The following LRR1 variants were observed in gnomAD, a reference collection of about 807,000 sequenced individuals.
LRR1 encodes the protein leucine rich repeat protein 1.
A neutral mutation model predicts 31.6 loss-of-function variants in LRR1; 29 were observed. The ratio of observed to expected loss-of-function variants is 0.92; its 90% CI spans 0.68 to 1.25. The LOEUF is 1.25. LRR1 is among the 50% of genes most tolerant of loss of function. The probability of loss-of-function intolerance (pLI) is 0.00; values close to 1 mark genes in which losing one functional copy is unlikely to be tolerated. For missense variants in LRR1, 485 were observed against 487.2 expected, an observed-to-expected ratio of 1.00 and a Z score of 0.04; for synonymous variants, 179 against 181.4, an observed-to-expected ratio of 0.99 and a Z score of 0.10.
chr14:49,608,382 T>C (rs1479823749), intron 3 of LRR1, among the ~76,000 whole-genome samples: 1 of 147,010 alleles, frequency 6.8e-6, no homozygotes, highest in African/African-American at 2.5e-5. Flanking sequence ...CTAAATTTTA[T>C]TCCTTCCCTC....
In LRR1 at chr14:49,607,476, T is replaced by C; in HGVS notation, c.359T>C (p.Val120Ala). ...AHRGCNVDTP[V>A]STLTPVKTSE... Reference sequence around the variant, plus strand: ...AGAGGCTGTAATGTTGATACACCAGTTTCAACGCTCACACCAGTGAAGACT... The same window carrying C: ...AGAGGCTGTAATGTTGATACACCAGCTTCAACGCTCACACCAGTGAAGACT... Residue 120 changes from valine to alanine, a missense_variant, in exon 3 of 4, where the codon GTT (valine) becomes GCT (alanine). This residue lies in a region of LRR1 where 260 missense variants were observed against 249.6 expected (regional missense o/e 1.04). Coordinates refer to ENST00000298288, the MANE Select transcript of LRR1 (RefSeq NM_152329.4). The C allele has an allele frequency of 6.2e-7, 1 of 1,613,638 alleles. No homozygotes were observed. The highest frequency in any genetic ancestry group is 1.7e-5 in the Admixed American group (1 of 59,856).
intron 2 of LRR1, among the ~76,000 whole-genome samples, chr14:49,603,814 C>T (rs1882181806): frequency 1.3e-5 from 2 of 150,946 alleles, no homozygotes; most frequent in Admixed American, 1.3e-4. Flanking sequence ...CTGCCCCAGC[C>T]TCCCAGTAGC....
intron 2 of LRR1, among the ~76,000 whole-genome samples, chr14:49,602,803 G>GT (rs1696770791): frequency 6.6e-6 from 1 of 152,060 alleles, no homozygotes; most frequent in South Asian, 2.1e-4. Context: ...TTGGCCTGGC[G>GT]TGTATTTGCT....
intron 1 of LRR1, among the ~76,000 whole-genome samples, chr14:49,599,474 G>A (rs1185594181): frequency 6.6e-6 from 1 of 152,216 alleles, no homozygotes; most frequent in Non-Finnish European, 1.5e-5. Context: ...TTGCTATTTA[G>A]TAGTGGATGG....
At chr14:49,608,333 G>A (rs966210331) in intron 3 of LRR1, among the ~76,000 whole-genome samples, 2 of 144,296 alleles carry the variant, frequency 1.4e-5, no homozygotes, top group Admixed American at 7.1e-5. Context: ...GTTTTCTGCC[G>A]AAGTGTCATC....
At chr14:49,605,627 T>C (rs1882251821) in intron 2 of LRR1, among the ~76,000 whole-genome samples, 1 of 152,236 alleles carries the variant, frequency 6.6e-6, no homozygotes, top group African/African-American at 2.4e-5. Flanking sequence ...TAGGGCACTA[T>C]GGTTTACCTT....
Position 49,600,982 on chromosome 14 carries a change from C to T in LRR1, c.184-1388C>T, listed in dbSNP as rs1004794734. The T allele has an allele frequency of 1.3e-5, 20 of 1,598,300 alleles. No individual in the cohort carries two copies. The African/African-American group carries it at 2.3e-4, about 18-fold the overall frequency. On this transcript the variant is annotated intron_variant, in intron 1 of 3. Coordinates refer to ENST00000298288, the MANE Select transcript of LRR1 (RefSeq NM_152329.4). ...CTGCACAGCCCTTACAGAATCTGCA[C>T]AAAGAAATATCTCCCTTTTCTCCAG... is the stretch of plus-strand genomic sequence containing the variant.
chr14:49,599,898 A>ACGGCGG, intron 1 of LRR1: 1 of 800,538 alleles, frequency 1.2e-6, no homozygotes, highest in Non-Finnish European at 1.7e-6. Flanking sequence ...AGCGGCGGCG[A>ACGGCGG]CGGCGGCGGA....
intron 3 of LRR1, among the ~76,000 whole-genome samples, chr14:49,609,302 T>A (rs940178498): frequency 3.5e-4 from 50 of 142,616 alleles, no homozygotes; most frequent in African/African-American, 1.3e-3. Flanking sequence ...CTCAGCTCAC[T>A]GCAACTTCTG....
chr14:49,602,627 A>G (rs540535963), intron 2 of LRR1, among the ~76,000 whole-genome samples, 159 bp downstream of exon 2: 9 of 152,162 alleles, frequency 5.9e-5, no homozygotes, highest in South Asian at 2.1e-4. Context: ...AATATCTGGG[A>G]CTAAAGGTGT....
chr14:49,600,943 G>A, intron 1 of LRR1: 1 of 1,548,586 alleles, frequency 6.5e-7, no homozygotes, highest in Non-Finnish European at 8.7e-7. Flanking sequence ...GCTTGGCTTT[G>A]ACCATACACA....
At chr14:49,600,905 C>G in intron 1 of LRR1, 11 of 1,432,538 alleles carry the variant, frequency 7.7e-6, no homozygotes, top group Non-Finnish European at 1.0e-5. Context: ...GTTGTAACTA[C>G]ATAAAAAACA....
At chr14:49,611,065 G>A (rs1878376052) in intron 3 of LRR1, among the ~76,000 whole-genome samples, 1 of 152,082 alleles carries the variant, frequency 6.6e-6, no homozygotes, top group Admixed American at 6.6e-5. Flanking sequence ...AAGGAACCTG[G>A]CTCCCACTGA....
intron 1 of LRR1, chr14:49,599,852 G>A: frequency 5.2e-6 from 2 of 381,904 alleles, no homozygotes; most frequent in Non-Finnish European, 8.1e-6. Context: ...GAGGGGAGTC[G>A]CTGCTTGGGG....
intron 1 of LRR1, chr14:49,600,301 G>A (rs1882004610): frequency 2.7e-6 from 4 of 1,495,670 alleles, no homozygotes; most frequent in Non-Finnish European, 3.7e-6. Context: ...AGGGAGGAGT[G>A]GGTACCGGAA....
rs191159314 is a variant in LRR1, at chr14:49,606,709, T to G, written c.283-691T>G. ...TCTTGCTCTGTTGCCCAGCCTGGAG[T>G]GCAGTGGCACAATCTCGGCTCACTG... On this transcript the variant is annotated intron_variant, in intron 2 of 3. Transcript: ENST00000298288. Among the ~76,000 whole-genome samples the G allele has an allele frequency of 9.7e-3, 1,453 of 150,402 alleles. 23 individuals are homozygous for G. The highest frequency in any genetic ancestry group is 0.034 in the African/African-American group (1,384 of 40,650).
intron 2 of LRR1, among the ~76,000 whole-genome samples, chr14:49,604,438 G>A (rs892847104): frequency 1.3e-5 from 2 of 152,064 alleles, no homozygotes; most frequent in African/African-American, 2.4e-5. Context: ...GGTGGCTCAC[G>A]CCTATGATCC....
chr14:49,603,468 A>T (rs533350694), intron 2 of LRR1: 22 of 338,380 alleles, frequency 6.5e-5, no homozygotes, highest in African/African-American at 4.7e-4. Flanking sequence ...AGAGGAAAAA[A>T]TTCAATTAGA....
At position 49,614,641 on chromosome 14, in the gene LRR1, C is replaced by A; in HGVS notation, c.*145C>A. 1 of 1,141,012 alleles carries A rather than the reference C, an allele frequency of 8.8e-7. No homozygotes were observed. Among genetic ancestry groups the A allele is most frequent in the Non-Finnish European group, 1.3e-6 (1 of 786,656 alleles). The allele number at this position is 1,141,012 out of a possible 1,614,324, so 70.7% of individuals were successfully genotyped here. A position where few individuals can be genotyped will look rare whatever the true frequency, so the allele number is the denominator to read the frequency against. Reference sequence around the variant, plus strand: ...GTATAGTTACTCATTTAGATGACTCCAAAACTTTTATTAAAACCAATTTTA... The same window carrying A: ...GTATAGTTACTCATTTAGATGACTCAAAAACTTTTATTAAAACCAATTTTA... On this transcript the variant is annotated 3_prime_UTR_variant, in exon 4 of 4. Coordinates refer to ENST00000298288, the MANE Select transcript of LRR1 (RefSeq NM_152329.4).
Sources: allele counts gnomAD v4.1 joint callset (sites outside exome capture counted in the v4.1 genomes callset), GRCh38; gene constraint gnomAD v4.1.1; regional missense constraint gnomAD v4.1.1; transcripts MANE v1.5; gene names NCBI Gene and HGNC (gene_info 2026-07-23, HGNC 2026-07-21).